The following OSBPL1A variants were observed in gnomAD, a reference collection of about 807,000 sequenced individuals.
OSBPL1A encodes the protein oxysterol-binding protein-related protein 1.
In OSBPL1A, 80 loss-of-function variants were observed where a neutral mutation model predicts 137.1. The observed-to-expected ratio is 0.58, with a 90% CI of 0.49 to 0.70. OSBPL1A has a LOEUF of 0.70. Ranked by LOEUF, OSBPL1A falls within the 30% of genes least tolerant of loss-of-function variation. The probability of loss-of-function intolerance (pLI) is 0.00; values close to 1 mark genes in which losing one functional copy is unlikely to be tolerated. For missense variants in OSBPL1A, 970 were observed against 1,129.4 expected, an observed-to-expected ratio of 0.86 and a Z score of 2.02; for synonymous variants, 365 against 389.7, an observed-to-expected ratio of 0.94 and a Z score of 0.75.
chr18:24,311,945 T>C (rs773295651), intron 13 of OSBPL1A, 39 bp downstream of exon 13: 1 of 1,610,860 alleles, frequency 6.2e-7, no homozygotes, highest in South Asian at 1.1e-5. Context: ...CCTCATGACA[T>C]AGATAGCTAT....
At chr18:24,325,341 A>G (rs1449514768) in intron 7 of OSBPL1A, among the ~76,000 whole-genome samples, 2 of 152,150 alleles carry the variant, frequency 1.3e-5, no homozygotes, top group Non-Finnish European at 2.9e-5. Flanking sequence ...GGCAGCTCTG[A>G]TGCTATCCAC....
chr18:24,324,501 A>T lies in OSBPL1A; in HGVS notation c.626-5692T>A, dbSNP rs567340987. On this transcript the variant is annotated intron_variant, in intron 7 of 27. Transcript: ENST00000319481. ...AAAAAAAATTATATCAAATAGATAA[A>T]CTACATGCATACACATAAAACAATT... Among the ~76,000 whole-genome samples, 25 of 75,678 alleles carry T rather than the reference A, an allele frequency of 3.3e-4. 5 individuals carry two copies. In the South Asian group the frequency reaches 8.8e-3, roughly 27 times the overall value. 49.6% of individuals were successfully genotyped at this position (75,678 alleles called of 152,430 possible).
chr18:24,285,582 A>T (rs2090054195), intron 14 of OSBPL1A, among the ~76,000 whole-genome samples: 1 of 152,176 alleles, frequency 6.6e-6, no homozygotes, highest in African/African-American at 2.4e-5. Flanking sequence ...ATTTAAAAGA[A>T]AAAAACTGGA....
chr18:24,377,245 T>G (rs1906247202), intron 2 of OSBPL1A, among the ~76,000 whole-genome samples, 168 bp downstream of exon 2: 1 of 152,274 alleles, frequency 6.6e-6, no homozygotes, highest in Non-Finnish European at 1.5e-5. Context: ...TGTCACTTTC[T>G]CTGACTCAGA....
chr18:24,165,268 T>C (rs1157257619), intron 26 of OSBPL1A, 113 bp from the exon 27 acceptor site: 7 of 948,612 alleles, frequency 7.4e-6, no homozygotes, highest in East Asian at 4.9e-5. Context: ...ATCTCCCTTT[T>C]ATTAGAACAC....
intron 13 of OSBPL1A, among the ~76,000 whole-genome samples, chr18:24,305,109 T>C (rs1411221431): frequency 1.3e-5 from 2 of 152,198 alleles, no homozygotes; most frequent in Non-Finnish European, 2.9e-5. Context: ...ACTCTGCTTA[T>C]GTGCAAGTCA....
intron 16 of OSBPL1A, among the ~76,000 whole-genome samples, chr18:24,226,745 A>G (rs2088089726): frequency 6.6e-6 from 1 of 152,182 alleles, no homozygotes; most frequent in African/African-American, 2.4e-5. Flanking sequence ...TTGGCTCTCA[A>G]CGCTGGACCC....
intron 1 of OSBPL1A, among the ~76,000 whole-genome samples, chr18:24,392,252 C>A (rs1907410001): frequency 6.6e-6 from 1 of 152,104 alleles, no homozygotes; most frequent in Admixed American, 6.5e-5. Context: ...CCTCCGCCTC[C>A]CGGGTTCAAG....
Position 24,271,275 on chromosome 18 carries a change from T to A in OSBPL1A, c.1281+9567A>T, listed in dbSNP as rs2089711523. On this transcript the variant is annotated intron_variant, in intron 15 of 27. Coordinates refer to ENST00000319481, the MANE Select transcript of OSBPL1A (RefSeq NM_080597.4). This position sits in a 1 kb window ranked among gnomAD's most constrained non-coding sequence, Gnocchi z 4.0. ...TAACTTGGAAGGTTATTTAGGACAA[T>A]AATGTCTTTCACTGTCTTACTCCTC... Among the ~76,000 whole-genome samples, 1 of 152,130 alleles carries A rather than the reference T, an allele frequency of 6.6e-6. No individual in the cohort carries two copies. The highest frequency in any genetic ancestry group is 2.1e-4 in the South Asian group (1 of 4,826).
chr18:24,201,555 G>A (rs911614269), intron 17 of OSBPL1A, among the ~76,000 whole-genome samples: 1 of 152,158 alleles, frequency 6.6e-6, no homozygotes, highest in Non-Finnish European at 1.5e-5. Context: ...TTGAGGTCAG[G>A]AGTTTGAGAC....
At chr18:24,244,929 CTG>C (rs1029607232) in intron 15 of OSBPL1A, among the ~76,000 whole-genome samples, 3 of 152,322 alleles carry the variant, frequency 2.0e-5, no homozygotes, top group African/African-American at 7.2e-5. Flanking sequence ...TCACAGAACA[CTG>C]TGTGCAATCA....
intron 14 of OSBPL1A, among the ~76,000 whole-genome samples, chr18:24,285,725 C>T (rs983565445): frequency 2.0e-5 from 3 of 151,766 alleles, no homozygotes; most frequent in Non-Finnish European, 4.4e-5. Context: ...AATCTAGTGA[C>T]AAAGCTAAAG....
intron 7 of OSBPL1A, 46 bp downstream of exon 7, chr18:24,332,896 T>A (rs1313455314): frequency 6.2e-7 from 1 of 1,600,542 alleles, no homozygotes; most frequent in Non-Finnish European, 8.5e-7. Context: ...TGACTTCATT[T>A]TATAATTTCA....
intron 16 of OSBPL1A, among the ~76,000 whole-genome samples, chr18:24,228,815 T>C (rs2088177462): frequency 1.3e-5 from 2 of 152,152 alleles, no homozygotes; most frequent in Admixed American, 6.5e-5. Flanking sequence ...CAGCGAGGAA[T>C]GCACTGTGCA....
chr18:24,179,996 T>TG (rs753811984), intron 19 of OSBPL1A, among the ~76,000 whole-genome samples, 161 bp from the exon 20 acceptor site: 3 of 152,244 alleles, frequency 2.0e-5, no homozygotes, highest in Non-Finnish European at 4.4e-5. Flanking sequence ...CATGGAAACT[T>TG]GGATATTCAG....
At chr18:24,188,865 G>A (rs1441240332) in intron 18 of OSBPL1A, among the ~76,000 whole-genome samples, 1 of 152,172 alleles carries the variant, frequency 6.6e-6, no homozygotes, top group African/African-American at 2.4e-5. Flanking sequence ...AAAATTCACT[G>A]ATACATCATT....
At chr18:24,292,532 AAG>A (rs1599624883) in intron 14 of OSBPL1A, among the ~76,000 whole-genome samples, 4 of 152,158 alleles carry the variant, frequency 2.6e-5, no homozygotes, top group Admixed American at 2.6e-4. Flanking sequence ...CACAGAGAGA[AAG>A]AGAGACGGCG....
At chr18:24,336,939 G>A (rs2091184814) in intron 5 of OSBPL1A, among the ~76,000 whole-genome samples, 1 of 152,152 alleles carries the variant, frequency 6.6e-6, no homozygotes, top group African/African-American at 2.4e-5. Context: ...CTTTGTCTCA[G>A]TTTTTCTCCC....
intron 9 of OSBPL1A, among the ~76,000 whole-genome samples, chr18:24,318,228 G>A (rs938968900): frequency 4.6e-5 from 7 of 151,996 alleles, no homozygotes; most frequent in Non-Finnish European, 4.4e-5. Context: ...GGTGGATCAC[G>A]AGGTCAGGAG....
Sources: gnomAD v4.1 joint callset for allele counts (sites outside exome capture counted in the v4.1 genomes callset) on GRCh38, gnomAD v4.1.1 for gene constraint, Gnocchi (gnomAD v3.1) non-coding constraint, MANE v1.5 for transcripts, NCBI Gene and HGNC (gene_info 2026-07-23, HGNC 2026-07-21) for gene names.